GALNT2: variants seen among roughly 807,000 people sequenced by gnomAD.
The protein encoded by GALNT2 is UDP-GalNAc:polypeptide N-acetylgalactosaminyltransferase 2.
In GALNT2, 31 loss-of-function variants were observed where a neutral mutation model predicts 81.4. The observed-to-expected ratio is 0.38, with a 90% CI of 0.29 to 0.51. The LOEUF (loss-of-function observed/expected upper bound fraction) is 0.51. Among genes scored for constraint, GALNT2 ranks in the 20% least tolerant of loss-of-function variants. The probability of loss-of-function intolerance (pLI) is 0.87; values close to 1 mark genes in which losing one functional copy is unlikely to be tolerated. For synonymous variants in GALNT2, 303 were observed against 287.4 expected (o/e 1.05, Z -0.55); for missense variants, 629 against 765.7 (o/e 0.82, Z 2.11).
chr1:230,144,056 C>T (rs545044980), intron 1 of GALNT2, among the ~76,000 whole-genome samples: 26 of 152,342 alleles, frequency 1.7e-4, no homozygotes, highest in African/African-American at 6.3e-4. Context: ...AAAGCAGCAC[C>T]TGCGAGTGCT....
chr1:230,251,592 C>T (rs1460567813), intron 10 of GALNT2, among the ~76,000 whole-genome samples: 2 of 152,130 alleles, frequency 1.3e-5, no homozygotes, highest in Admixed American at 6.5e-5. Flanking sequence ...AAAAATGATA[C>T]ATTAACCTCT....
At chr1:230,255,033 T>C (rs148697208) in intron 10 of GALNT2, among the ~76,000 whole-genome samples, 185 bp from the exon 11 acceptor site, 1 of 152,358 alleles carries the variant, frequency 6.6e-6, no homozygotes, top group Admixed American at 6.5e-5. Context: ...ATGTCTCTCC[T>C]TTAGAGAGTT....
chr1:230,164,760 G>C (rs1350719375), intron 1 of GALNT2, among the ~76,000 whole-genome samples: 1 of 152,110 alleles, frequency 6.6e-6, no homozygotes, highest in African/African-American at 2.4e-5. Flanking sequence ...TCGATCTCCT[G>C]ACCTTGTGAT....
intron 7 of GALNT2, among the ~76,000 whole-genome samples, chr1:230,244,391 A>G (rs997767443): frequency 6.6e-6 from 1 of 152,134 alleles, no homozygotes; most frequent in Non-Finnish European, 1.5e-5. Context: ...TTGCAAAGCC[A>G]GTTTCATTAA....
chr1:230,241,033 G>A (rs932390894), intron 6 of GALNT2, among the ~76,000 whole-genome samples: 1 of 152,112 alleles, frequency 6.6e-6, no homozygotes, highest in Non-Finnish European at 1.5e-5. Flanking sequence ...TCATTTTTAA[G>A]TTCTGGAATA....
chr1:230,138,470 A>G (rs1661622243), intron 1 of GALNT2, among the ~76,000 whole-genome samples: 1 of 148,912 alleles, frequency 6.7e-6, no homozygotes, highest in Non-Finnish European at 1.5e-5. Flanking sequence ...GGTTGCAGTG[A>G]GCTGAGATCA....
intron 6 of GALNT2, among the ~76,000 whole-genome samples, chr1:230,238,110 G>T (rs977096988): frequency 1.3e-5 from 2 of 152,196 alleles, no homozygotes; most frequent in African/African-American, 4.8e-5. Context: ...TGTAACAATT[G>T]AATGAGAAAA....
intron 3 of GALNT2, among the ~76,000 whole-genome samples, chr1:230,231,569 G>A (rs1037109611): frequency 3.3e-5 from 5 of 152,140 alleles, no homozygotes; most frequent in Admixed American, 6.5e-5. Flanking sequence ...CAGGTATAAC[G>A]TCTGCCCTAA....
At chr1:230,094,163 ATTTTT>A (rs58639878) in intron 1 of GALNT2, among the ~76,000 whole-genome samples, 25 of 119,360 alleles carry the variant, frequency 2.1e-4, no homozygotes, top group East Asian at 1.2e-3. Context: ...ATGCTGGCTA[ATTTTT>A]TTTTTTTTTT....
intron 2 of GALNT2, among the ~76,000 whole-genome samples, chr1:230,197,179 T>C (rs576382080): frequency 6.6e-6 from 1 of 152,174 alleles, no homozygotes; most frequent in East Asian, 1.9e-4. Context: ...GACATTGAGT[T>C]GTTATTTCCA....
intron 2 of GALNT2, among the ~76,000 whole-genome samples, chr1:230,196,308 G>C (rs901832058): frequency 2.0e-5 from 3 of 152,174 alleles, no homozygotes; most frequent in African/African-American, 7.2e-5. Flanking sequence ...GGCTTTCTTG[G>C]AACCTTGGCT....
intron 1 of GALNT2, among the ~76,000 whole-genome samples, chr1:230,174,916 G>A (rs1176808488): frequency 6.6e-6 from 1 of 152,100 alleles, no homozygotes; most frequent in Non-Finnish European, 1.5e-5. Flanking sequence ...GGTCTCCACC[G>A]AGGTACCACT....
chr1:230,220,388 C>T (rs911143277), intron 3 of GALNT2, among the ~76,000 whole-genome samples: 2 of 152,136 alleles, frequency 1.3e-5, no homozygotes, highest in African/African-American at 4.8e-5. Flanking sequence ...CAGCCCACTC[C>T]GGAGGCACCA....
intron 14 of GALNT2, among the ~76,000 whole-genome samples, chr1:230,269,500 T>C (rs961636316): frequency 6.6e-6 from 1 of 152,084 alleles, no homozygotes; most frequent in Non-Finnish European, 1.5e-5. Context: ...CAGAGAACTT[T>C]TACAAAATGC....
intron 1 of GALNT2, among the ~76,000 whole-genome samples, chr1:230,126,320 G>A (rs1661174533): frequency 6.6e-6 from 1 of 152,180 alleles, no homozygotes; most frequent in African/African-American, 2.4e-5. Flanking sequence ...ATGTGGAAAG[G>A]GCCTGGTGAT....
chr1:230,067,167 C>A (rs1251624429), upstream of GALNT2: 4 of 511,774 alleles, frequency 7.8e-6, no homozygotes, highest in Non-Finnish European at 1.1e-5. Context: ...GAGGAGGAGC[C>A]GCCGCCGCGC....
At chr1:230,190,266 C>T (rs1185270159) in intron 2 of GALNT2, among the ~76,000 whole-genome samples, 3 of 152,366 alleles carry the variant, frequency 2.0e-5, no homozygotes, top group East Asian at 1.9e-4. Context: ...TCTCCCACTG[C>T]GTGTTCCTCC....
chr1:230,098,767 C>T (rs781275685), intron 1 of GALNT2, among the ~76,000 whole-genome samples: 5 of 152,162 alleles, frequency 3.3e-5, no homozygotes, highest in Non-Finnish European at 5.9e-5. Context: ...TCTTAGAGGC[C>T]TTCTTGGATA....
chr1:230,195,091 C>T (rs79408527), intron 2 of GALNT2, among the ~76,000 whole-genome samples: 1,696 of 152,296 alleles, frequency 0.011, 16 homozygotes, highest in Middle Eastern at 0.02. Flanking sequence ...TGGAGAGAGA[C>T]AGGACTCATT....
Sources: gnomAD v4.1 joint callset for allele counts (sites outside exome capture counted in the v4.1 genomes callset) on GRCh38, gnomAD v4.1.1 for gene constraint, MANE v1.5 for transcripts, NCBI Gene and HGNC (gene_info 2026-07-23, HGNC 2026-07-21) for gene names.